Variants in AVPR1B observed in about 807,000 individuals in gnomAD.
AVPR1B encodes vasopressin V1b receptor.
In AVPR1B, 25 loss-of-function variants were observed where a neutral mutation model predicts 27.5. The ratio of observed to expected loss-of-function variants is 0.91; its 90% CI spans 0.66 to 1.27. AVPR1B has a LOEUF of 1.27. Ranked by LOEUF, AVPR1B falls within the 50% of genes most tolerant of loss-of-function variation. AVPR1B has a pLI of 0.00. For synonymous variants in AVPR1B, 248 were observed against 240.2 expected (o/e 1.03, Z -0.30); for missense variants, 595 against 556.9 (o/e 1.07, Z -0.69).
At position 206,117,033 on chromosome 1, in the gene AVPR1B, G is replaced by C; in HGVS notation, c.-143C>G. On this transcript the variant is annotated 5_prime_UTR_variant, in exon 1 of 2. Transcript: ENST00000367126. ...CAGGGAGAAGGCTTGCAAATAGGCG[G>C]AAATCGTTCAGAGGACTGGGATAGA... The C allele has an allele frequency of 1.2e-6, 1 of 813,712 alleles. No individual in the cohort carries two copies. 50.4% of individuals were successfully genotyped at this position (813,712 alleles called of 1,614,324 possible).
chr1:206,109,431 A>C lies in AVPR1B; in HGVS notation c.*758T>G, dbSNP rs1553289377. On this transcript the variant is annotated 3_prime_UTR_variant, in exon 2 of 2. Transcript: ENST00000367126. ...TGTTAATTTTATGATGACCATTTTC[A>C]TCTTCTCCTTCCCTCCCTCTTTCTT... Among the ~76,000 whole-genome samples, 1 of 152,014 alleles carries C rather than the reference A, an allele frequency of 6.6e-6. No homozygotes were observed. The highest frequency in any genetic ancestry group is 2.4e-5 in the African/African-American group (1 of 41,360).
chr1:206,116,003 G>A lies in AVPR1B; in HGVS notation c.888C>T (p.Pro296=). 2 of 1,613,916 alleles carry A rather than the reference G, an allele frequency of 1.2e-6. No individual in the cohort carries two copies. Among genetic ancestry groups the A allele is most frequent in the Non-Finnish European group, 1.7e-6 (2 of 1,179,862 alleles). Residue 296 remains proline, a synonymous_variant, in exon 1 of 2, where the codon CCC becomes CCT. Transcript: ENST00000367126. The part of the protein sequence containing the change: ...IVLAYIACWA[P]FFSVQMWSVW... The stretch of plus-strand genomic sequence containing the variant: ...CGGACCACATCTGGACACTGAAGAA[G>A]GGAGCCCAGCAAGCGATGTAGGCCA...
rs1164608764 is a variant in AVPR1B, at chr1:206,112,475, C to T, written c.941-1952G>A. Among the ~76,000 whole-genome samples the T allele has an allele frequency of 2.0e-5, 3 of 152,098 alleles. No individual in the cohort carries two copies. In the East Asian group the frequency reaches 5.8e-4, roughly 29 times the overall value. The stretch of plus-strand genomic sequence containing the variant: ...CCCTCGCTAGAAGCAGATGCCGGCA[C>T]TATTCTTCTTTTTAATTTTCTTTTT... On this transcript the variant is annotated intron_variant, in intron 1 of 1. Transcript: ENST00000367126.
At chr1:206,114,384 C>T (rs1197118781) in intron 1 of AVPR1B, among the ~76,000 whole-genome samples, 1 of 152,210 alleles carries the variant, frequency 6.6e-6, no homozygotes, top group African/African-American at 2.4e-5. Flanking sequence ...AATCACCCCT[C>T]TTCATAGCCA....
intron 1 of AVPR1B, among the ~76,000 whole-genome samples, chr1:206,112,938 C>A (rs1384197667): frequency 4.6e-5 from 7 of 152,212 alleles, no homozygotes; most frequent in African/African-American, 1.7e-4. Flanking sequence ...AGCCTTCCTT[C>A]CGTTTTGCCT....
intron 1 of AVPR1B, 94 bp downstream of exon 1, chr1:206,115,857 G>A (rs1324768350): frequency 2.3e-6 from 3 of 1,279,358 alleles, no homozygotes; most frequent in Admixed American, 2.4e-5. Context: ...TTTGTCACCT[G>A]CCTGGCCCTG....
intron 1 of AVPR1B, among the ~76,000 whole-genome samples, chr1:206,112,182 C>G (rs1338025938): frequency 2.6e-5 from 4 of 150,966 alleles, no homozygotes; most frequent in Non-Finnish European, 5.9e-5. Context: ...GTGACAAGAG[C>G]AAGACTCCAT....
Position 206,116,686 on chromosome 1 carries a change from T to A in AVPR1B, c.205A>T (p.Met69Leu). ...LGQLGRKRSR[M>L]HLFVLHLALT... ...GCTAAGTGCAGCACGAACAGGTGCA[T>A]GCGGGAGCGCTTGCGGCCCAGCTGG... The change falls in exon 1 of 2, where the codon ATG becomes TTG. Residue 69 changes from methionine to leucine, a missense_variant. Physicochemically the swap from Met to Leu is conservative, Grantham distance 15. Transcript: ENST00000367126. 6.2e-7 allele frequency: 1 copy of A among 1,609,410 alleles called. No individual in the cohort carries two copies. The highest frequency in any genetic ancestry group is 1.1e-5 in the South Asian group (1 of 90,282).
rs1663308506 is a variant in AVPR1B, at chr1:206,108,112, A to T, written c.*2077T>A. 6.6e-6 allele frequency among the ~76,000 whole-genome samples: 1 copy of T among 152,168 alleles called. No individual in the cohort carries two copies. Among genetic ancestry groups the T allele is most frequent in the Non-Finnish European group, 1.5e-5 (1 of 68,036 alleles). On this transcript the variant is annotated 3_prime_UTR_variant, in exon 2 of 2. Coordinates refer to ENST00000367126, the MANE Select transcript of AVPR1B (RefSeq NM_000707.5). ...GCATTAGGGTCAGAAACTGTGGTCT[A>T]AAGATGGGGCAAGGGGGTGGGGAGG...
rs138025074 is a variant in AVPR1B at position 206,110,582 on chromosome 1, C to T, written c.941-59G>A. ...GGCAGCTCGAAGGGACCTGGGAGAG[C>T]GTCCAGGCCCCACAGATGAGGAACA... On this transcript the variant is annotated intron_variant, in intron 1 of 1. Coordinates refer to ENST00000367126, the MANE Select transcript of AVPR1B (RefSeq NM_000707.5). The T allele has an allele frequency of 8.5e-3, 12,016 of 1,421,930 alleles. 83 individuals carry two copies. The highest frequency in any genetic ancestry group is 0.027 in the Middle Eastern group (111 of 4,184). 88.1% of individuals were successfully genotyped at this position (1,421,930 alleles called of 1,614,324 possible).
At position 206,108,316 on chromosome 1, in the gene AVPR1B, G is replaced by T. The variant is rs555713608; in HGVS notation, c.*1873C>A. Among the ~76,000 whole-genome samples the T allele has an allele frequency of 6.6e-6, 1 of 152,344 alleles. No individual in the cohort carries two copies. The highest frequency in any genetic ancestry group is 2.4e-5 in the African/African-American group (1 of 41,578). ...GGTCCTCCCATCTGCCTGAGCCTTG[G>T]TCCCATTAGGGTCTCACTCTCCAGT... On this transcript the variant is annotated 3_prime_UTR_variant, in exon 2 of 2. Transcript: ENST00000367126.
In AVPR1B at chr1:206,117,310, C is replaced by G. The variant is rs1487397501; in HGVS notation, c.-420G>C. On this transcript the variant is annotated 5_prime_UTR_variant, in exon 1 of 2. Transcript: ENST00000367126. ...CTTCAGCCTGCTTGGAGGCGCGGTC[C>G]GGGGCAGTCGGTGTCGCGCTCAGGG... 4 of 163,696 alleles carry G rather than the reference C, an allele frequency of 2.4e-5. No homozygotes were observed. The highest frequency in any genetic ancestry group is 1.7e-4 in the South Asian group (1 of 5,746). The allele number at this position is 163,696 out of a possible 1,614,324, so 10.1% of individuals were successfully genotyped here.
At chr1:206,112,064 G>A (rs1185955335) in intron 1 of AVPR1B, among the ~76,000 whole-genome samples, 2 of 152,048 alleles carry the variant, frequency 1.3e-5, no homozygotes, top group African/African-American at 4.8e-5. Flanking sequence ...CTGTGGTGAT[G>A]TGCACCTGTA....
At chr1:206,111,935 C>T (rs781995683) in intron 1 of AVPR1B, among the ~76,000 whole-genome samples, 13 of 152,128 alleles carry the variant, frequency 8.5e-5, no homozygotes, top group Admixed American at 2.6e-4. Flanking sequence ...GGCTTACGCC[C>T]GTAATCCCAA....
rs1220220418 is a variant in AVPR1B at position 206,107,400 on chromosome 1, G to A, written c.*2789C>T. On this transcript the variant is annotated 3_prime_UTR_variant, in exon 2 of 2. Transcript: ENST00000367126. ...AACCCTATCCAAGGCCCTTCCACTG[G>A]CCCAGACTGTCCAGGCGAGCCTCCT... Among the ~76,000 whole-genome samples, 1 of 152,020 alleles carries A rather than the reference G, an allele frequency of 6.6e-6. No individual in the cohort carries two copies. The highest frequency in any genetic ancestry group is 2.4e-5 in the African/African-American group (1 of 41,358).
chr1:206,110,230 G>T lies in AVPR1B; in HGVS notation c.1234C>A (p.Leu412Met). 1 of 1,613,618 alleles carries T rather than the reference G, an allele frequency of 6.2e-7. No homozygotes were observed. Among genetic ancestry groups the T allele is most frequent in the African/African-American group, 1.3e-5 (1 of 75,046 alleles). ...RPEESPRDLE[L>M]ADGEGTAETI... ...TCAGCGGTGCCTTCCCCATCTGCCA[G>T]CTCCAAGTCCCTTGGTGACTCTTCA... The change falls in exon 2 of 2, where the codon CTG (leucine) becomes ATG (methionine). Residue 412 changes from leucine (L) to methionine (M), a missense_variant. Leu to Met is a conservative substitution (Grantham distance 15, BLOSUM62 2). Coordinates refer to ENST00000367126, the MANE Select transcript of AVPR1B (RefSeq NM_000707.5).
chr1:206,110,593 C>T, intron 1 of AVPR1B, 70 bp from the exon 2 acceptor site: 1 of 1,344,812 alleles, frequency 7.4e-7, no homozygotes, highest in South Asian at 1.4e-5. Flanking sequence ...GTCCAGGCCC[C>T]ACAGATGAGG....
rs1275505992 is a variant in AVPR1B at position 206,116,834 on chromosome 1, G to A, written c.57C>T (p.Ala19=). Residue 19 remains alanine (A), a synonymous_variant, in exon 1 of 2, where the codon GCC becomes GCT. Transcript: ENST00000367126. ...ANPTPRGTLS[A]PNATTPWLGR... ...CCAGCCAGGGTGTTGTGGCATTGGG[G>A]GCAGAGAGGGTGCCCCGAGGGGTGG... 3 of 1,613,898 alleles carry A rather than the reference G, an allele frequency of 1.9e-6. No individual in the cohort carries two copies. Among genetic ancestry groups the A allele is most frequent in the African/African-American group, 1.3e-5 (1 of 74,930 alleles).
intron 1 of AVPR1B, among the ~76,000 whole-genome samples, chr1:206,115,698 C>T (rs1663451594): frequency 6.6e-6 from 1 of 152,164 alleles, no homozygotes; most frequent in African/African-American, 2.4e-5. Context: ...TTAGTACCAC[C>T]TAGTATTTTA....
Sources: gnomAD v4.1 joint callset for allele counts (sites outside exome capture counted in the v4.1 genomes callset) on GRCh38, gnomAD v4.1.1 for gene constraint, MANE v1.5 for transcripts, NCBI Gene and HGNC (gene_info 2026-07-23, HGNC 2026-07-21) for gene names.